Variants in LHFPL2 observed in about 807,000 individuals in gnomAD.
LHFPL2 encodes LHFPL tetraspan subfamily member 2 protein.
LHFPL2 carries 7 observed loss-of-function variants against 17.5 expected under a neutral mutation model. That is an observed-to-expected ratio of 0.40 (90% CI 0.23 to 0.75). The LOEUF (loss-of-function observed/expected upper bound fraction) is 0.75. LHFPL2 is among the 30% of genes least tolerant of loss of function. LHFPL2 has a pLI of 0.37. For missense variants in LHFPL2, 241 were observed against 294.8 expected (o/e 0.82, Z 1.34); for synonymous variants, 134 against 116.2 (o/e 1.15, Z -0.99).
intron 3 of LHFPL2, among the ~76,000 whole-genome samples, chr5:78,530,650 T>G (rs935124740): frequency 6.6e-6 from 1 of 152,234 alleles, no homozygotes; most frequent in Non-Finnish European, 1.5e-5. Flanking sequence ...GGTCAGGCCT[T>G]ATTAATCACT....
chr5:78,558,870 C>G (rs1312617590), intron 3 of LHFPL2, among the ~76,000 whole-genome samples: 1 of 152,112 alleles, frequency 6.6e-6, no homozygotes, highest in Non-Finnish European at 1.5e-5. Context: ...ACTTTTTTTC[C>G]CACTGCTCAA....
At chr5:78,553,196 T>C (rs868425694) in intron 3 of LHFPL2, among the ~76,000 whole-genome samples, 7 of 152,274 alleles carry the variant, frequency 4.6e-5, no homozygotes, top group Middle Eastern at 3.4e-3. Flanking sequence ...ACTCACTACT[T>C]CCTGACCACA....
intron 2 of LHFPL2, among the ~76,000 whole-genome samples, chr5:78,591,904 C>T (rs1184540619): frequency 6.6e-6 from 1 of 152,148 alleles, no homozygotes; most frequent in Non-Finnish European, 1.5e-5. Flanking sequence ...TCTTATTGTT[C>T]TTTCTGGGCA....
Position 78,506,571 on chromosome 5 carries a change from T to G in LHFPL2, c.430+3213A>C, listed in dbSNP as rs1754938094. Reference sequence around the variant, plus strand: ...CAACGGGAGAAAGCAAGCCAGCCCTTTCAGATGCCAGTATGGCAATGTCCT... The same window carrying G: ...CAACGGGAGAAAGCAAGCCAGCCCTGTCAGATGCCAGTATGGCAATGTCCT... On this transcript the variant is annotated intron_variant, in intron 4 of 4. Transcript: ENST00000380345. 2.0e-5 allele frequency among the ~76,000 whole-genome samples: 3 copies of G among 152,152 alleles called. No individual in the cohort carries two copies. In the South Asian group the frequency reaches 6.2e-4, roughly 32 times the overall value.
chr5:78,570,293 G>A lies in LHFPL2; in HGVS notation c.-244-5422C>T, dbSNP rs569317858. Among the ~76,000 whole-genome samples the A allele has an allele frequency of 3.2e-4, 49 of 152,278 alleles. 1 individual carries two copies. In the South Asian group the frequency reaches 8.9e-3, roughly 28 times the overall value. On this transcript the variant is annotated intron_variant, in intron 2 of 4. Coordinates refer to ENST00000380345, the MANE Select transcript of LHFPL2 (RefSeq NM_005779.3). Reference sequence around the variant, plus strand: ...TAGAAGAAAGAAATACTGGGTTAACGAGAGTGGAGAAAATCATCAGGCAAA... The same window carrying A: ...TAGAAGAAAGAAATACTGGGTTAACAAGAGTGGAGAAAATCATCAGGCAAA...
At chr5:78,582,605 A>T (rs1200255969) in intron 2 of LHFPL2, among the ~76,000 whole-genome samples, 1 of 151,614 alleles carries the variant, frequency 6.6e-6, no homozygotes, top group African/African-American at 2.4e-5. Flanking sequence ...TTTGAGTGAG[A>T]TTCTTAATCC....
At chr5:78,527,363 GTTTTTTTTTTT>G (rs35135294) in intron 3 of LHFPL2, among the ~76,000 whole-genome samples, 2 of 108,104 alleles carry the variant, frequency 1.9e-5, no homozygotes. Context: ...CTGATGAGGA[GTTTTTTTTTTT>G]TTTTTTTTTT....
At chr5:78,543,266 C>T (rs1013476873) in intron 3 of LHFPL2, among the ~76,000 whole-genome samples, 3 of 152,160 alleles carry the variant, frequency 2.0e-5, no homozygotes, top group Non-Finnish European at 4.4e-5. Flanking sequence ...GTTTGGGACC[C>T]CTCTCTCTGC....
At chr5:78,636,567 A>C (rs945892930) in intron 1 of LHFPL2, among the ~76,000 whole-genome samples, 1 of 152,218 alleles carries the variant, frequency 6.6e-6, no homozygotes, top group African/African-American at 2.4e-5. Context: ...CCTGGATCAG[A>C]ATCAAGCTGG....
chr5:78,638,760 A>G (rs1254714189), intron 1 of LHFPL2, among the ~76,000 whole-genome samples: 1 of 152,188 alleles, frequency 6.6e-6, no homozygotes, highest in Admixed American at 6.5e-5. Context: ...TGCATGTATC[A>G]AAGAATGACT....
intron 1 of LHFPL2, among the ~76,000 whole-genome samples, chr5:78,642,722 T>G (rs1745717483): frequency 6.6e-6 from 1 of 152,148 alleles, no homozygotes; most frequent in East Asian, 1.9e-4. Flanking sequence ...TGGACATCTC[T>G]TCTTGGAGGG....
At chr5:78,547,206 C>G (rs1199998306) in intron 3 of LHFPL2, among the ~76,000 whole-genome samples, 2 of 152,178 alleles carry the variant, frequency 1.3e-5, no homozygotes, top group African/African-American at 4.8e-5. Flanking sequence ...AAGAGGCTCA[C>G]CGGGGCACTC....
intron 4 of LHFPL2, among the ~76,000 whole-genome samples, chr5:78,508,591 T>C (rs1755007296): frequency 6.6e-6 from 1 of 152,202 alleles, no homozygotes; most frequent in Non-Finnish European, 1.5e-5. Flanking sequence ...ATTTGATCTG[T>C]TTATTTGGAA....
intron 2 of LHFPL2, among the ~76,000 whole-genome samples, chr5:78,606,530 T>A (rs541181717): frequency 6.6e-6 from 1 of 152,230 alleles, no homozygotes; most frequent in African/African-American, 2.4e-5. Flanking sequence ...CCTCAAAGGG[T>A]CATTTCCATA....
chr5:78,575,684 A>G (rs892974462), intron 2 of LHFPL2, among the ~76,000 whole-genome samples: 1 of 152,262 alleles, frequency 6.6e-6, no homozygotes, highest in Non-Finnish European at 1.5e-5. Flanking sequence ...AAACAGCACT[A>G]AAACAAAATG....
chr5:78,551,322 A>T (rs752480715), intron 3 of LHFPL2, among the ~76,000 whole-genome samples: 1 of 152,212 alleles, frequency 6.6e-6, no homozygotes, highest in Non-Finnish European at 1.5e-5. Flanking sequence ...TCATTTGGGG[A>T]GCCTTTTTGA....
At chr5:78,546,728 G>T (rs1756287899) in intron 3 of LHFPL2, among the ~76,000 whole-genome samples, 1 of 152,170 alleles carries the variant, frequency 6.6e-6, no homozygotes, top group Admixed American at 6.5e-5. Flanking sequence ...TGTGTATATT[G>T]ACTACGAGTT....
At chr5:78,608,016 T>C (rs991199864) in intron 2 of LHFPL2, among the ~76,000 whole-genome samples, 1 of 152,178 alleles carries the variant, frequency 6.6e-6, no homozygotes, top group Non-Finnish European at 1.5e-5. Flanking sequence ...AAAAGAAAGA[T>C]AAGCAATTAA....
rs77453813 is a variant in LHFPL2 at position 78,529,739 on chromosome 5, C to A, written c.-185-19341G>T. The stretch of plus-strand genomic sequence containing the variant: ...TGTGAAACAAATCACTGAATTTTTG[C>A]AATATTAGAGAGTCTCAAGGAAGGA... On this transcript the variant is annotated intron_variant, in intron 3 of 4. Coordinates refer to ENST00000380345, the MANE Select transcript of LHFPL2 (RefSeq NM_005779.3). 1.6e-4 allele frequency among the ~76,000 whole-genome samples: 25 copies of A among 152,146 alleles called. 1 individual carries two copies. In the East Asian group the frequency reaches 4.6e-3, roughly 28 times the overall value.
Sources: gnomAD v4.1 joint callset for allele counts (sites outside exome capture counted in the v4.1 genomes callset) on GRCh38, gnomAD v4.1.1 for gene constraint, MANE v1.5 for transcripts, NCBI Gene and HGNC (gene_info 2026-07-23, HGNC 2026-07-21) for gene names.